MAP4K4: variants seen among roughly 807,000 people sequenced by gnomAD.
MAP4K4 encodes mitogen-activated protein kinase kinase kinase kinase 4.
Under a neutral mutation model 189.6 loss-of-function variants are expected in MAP4K4, and 38 were observed. That is an observed-to-expected ratio of 0.20 (90% CI 0.15 to 0.26). The LOEUF (loss-of-function observed/expected upper bound fraction) is 0.26. MAP4K4 is among the 10% of genes least tolerant of loss of function. The pLI, the probability that MAP4K4 is intolerant of heterozygous loss-of-function variation, is 1.00. For synonymous variants in MAP4K4, 610 were observed against 624.3 expected, an observed-to-expected ratio of 0.98 and a Z score of 0.34; for missense variants, 1,054 against 1,726.9, an observed-to-expected ratio of 0.61 and a Z score of 6.91.
At chr2:101,851,724 C>CTTTTTT (rs36217584) in intron 12 of MAP4K4, among the ~76,000 whole-genome samples, 23 of 67,894 alleles carry the variant, frequency 3.4e-4, no homozygotes, top group East Asian at 7.5e-4. Flanking sequence ...TAACTGTCCT[C>CTTTTTT]TTTTTTTTTT....
At chr2:101,708,884 G>GT (rs1189429210) in intron 2 of MAP4K4, among the ~76,000 whole-genome samples, 4 of 152,162 alleles carry the variant, frequency 2.6e-5, no homozygotes, top group Non-Finnish European at 5.9e-5. Context: ...TGTGTTTAAT[G>GT]TTTTTGAGGT....
At chr2:101,760,320 C>G (rs953522736) in intron 2 of MAP4K4, among the ~76,000 whole-genome samples, 7 of 151,790 alleles carry the variant, frequency 4.6e-5, no homozygotes, top group Admixed American at 1.3e-4. Context: ...AAAACCCTGT[C>G]TCTACTAAAA....
At chr2:101,846,207 A>T (rs972618696) in intron 12 of MAP4K4, among the ~76,000 whole-genome samples, 1 of 151,962 alleles carries the variant, frequency 6.6e-6, no homozygotes, top group Non-Finnish European at 1.5e-5. Context: ...TTTTGTTAAG[A>T]CTCTTTTCAG....
intron 22 of MAP4K4, 136 bp downstream of exon 22, chr2:101,869,933 G>A: frequency 3.3e-6 from 4 of 1,201,378 alleles, no homozygotes; most frequent in Non-Finnish European, 4.5e-6. Flanking sequence ...TCAGCAGCAG[G>A]TCGCCTTGTG....
At chr2:101,793,497 G>T (rs1278379595) in intron 3 of MAP4K4, among the ~76,000 whole-genome samples, 1 of 151,682 alleles carries the variant, frequency 6.6e-6, no homozygotes, top group Non-Finnish European at 1.5e-5. Context: ...TGCAGCATGT[G>T]CTTCTGGTTC....
At chr2:101,751,681 A>T (rs1185210568) in intron 2 of MAP4K4, among the ~76,000 whole-genome samples, 1 of 152,214 alleles carries the variant, frequency 6.6e-6, no homozygotes, top group African/African-American at 2.4e-5. Flanking sequence ...CATGACATGT[A>T]AGTTAAGGAA....
intron 9 of MAP4K4, among the ~76,000 whole-genome samples, chr2:101,838,263 T>C (rs2096821793): frequency 6.6e-6 from 1 of 152,228 alleles, no homozygotes; most frequent in African/African-American, 2.4e-5. Flanking sequence ...ATTTGTATCT[T>C]CAATAAACTC....
intron 3 of MAP4K4, among the ~76,000 whole-genome samples, chr2:101,803,807 C>T (rs144197339): frequency 6.6e-6 from 1 of 152,308 alleles, no homozygotes; most frequent in African/African-American, 2.4e-5. Context: ...CCCTTCACTA[C>T]CATTAGCATA....
At chr2:101,792,591 C>CCTT (rs2093062900) in intron 3 of MAP4K4, among the ~76,000 whole-genome samples, 1 of 125,618 alleles carries the variant, frequency 8.0e-6, no homozygotes, top group Admixed American at 8.6e-5. Context: ...GCCACCTTCT[C>CCTT]CTCCTTCTCC....
Position 101,809,013 on chromosome 2 carries a change from G to A in MAP4K4, c.181-14915G>A, listed in dbSNP as rs147567407. On this transcript the variant is annotated intron_variant, in intron 3 of 32. Coordinates refer to ENST00000324219, the Ensembl canonical transcript of MAP4K4. Reference sequence around the variant, plus strand: ...TCAAGGAAAGCCCCCAGTCAAATGTGTTTATATGTGTGGCTGCGTTTAGTT... The same window carrying A: ...TCAAGGAAAGCCCCCAGTCAAATGTATTTATATGTGTGGCTGCGTTTAGTT... 3.3e-5 allele frequency among the ~76,000 whole-genome samples: 5 copies of A among 152,178 alleles called. No homozygotes were observed. The East Asian group carries it at 9.6e-4, about 29-fold the overall frequency.
At chr2:101,713,658 G>A (rs1333022652) in intron 2 of MAP4K4, among the ~76,000 whole-genome samples, 1 of 151,064 alleles carries the variant, frequency 6.6e-6, no homozygotes, top group Non-Finnish European at 1.5e-5. Flanking sequence ...ACTTTGGGAG[G>A]CTGGGGCAGG....
At chr2:101,788,561 GGT>G (rs545573108) in intron 2 of MAP4K4, among the ~76,000 whole-genome samples, 145 of 152,274 alleles carry the variant, frequency 9.5e-4, no homozygotes, top group African/African-American at 3.4e-3. Flanking sequence ...ATGATTTTCT[GGT>G]TTAAATTTAA....
At chr2:101,723,328 G>A (rs1310514613) in intron 2 of MAP4K4, among the ~76,000 whole-genome samples, 2 of 152,176 alleles carry the variant, frequency 1.3e-5, no homozygotes, top group Non-Finnish European at 2.9e-5. Flanking sequence ...AAACTAATAC[G>A]CTAGTAACAT....
Position 101,824,073 on chromosome 2 carries a change from G to T in MAP4K4, c.306+20G>T. Reference sequence around the variant, plus strand: ...CTCTGGGTAGGTGGATGTTTCCTGAGCATTTGTGGGCATTCCATTTGCTTG... The same window carrying T: ...CTCTGGGTAGGTGGATGTTTCCTGATCATTTGTGGGCATTCCATTTGCTTG... On this transcript the variant is annotated intron_variant, in intron 4 of 32. Coordinates refer to ENST00000324219, the Ensembl canonical transcript of MAP4K4. 1 of 1,228,906 alleles carries T rather than the reference G, an allele frequency of 8.1e-7. No homozygotes were observed. The highest frequency in any genetic ancestry group is 2.4e-4 in the Middle Eastern group (1 of 4,144). The allele number at this position is 1,228,906 out of a possible 1,614,324, so 76.1% of individuals were successfully genotyped here.
At position 101,790,704 on chromosome 2, in the gene MAP4K4, T is replaced by G; in HGVS notation, c.124-16T>G. On this transcript the variant is annotated splice_polypyrimidine_tract_variant and intron_variant, in intron 2 of 32. Coordinates refer to ENST00000324219, the Ensembl canonical transcript of MAP4K4. ...AAATTGGTGCTGATTTTTGATCTATTTTTTCTGTTTTTCAGGGTCGACATG... is the reference window on the plus strand; with the variant it reads ...AAATTGGTGCTGATTTTTGATCTATGTTTTCTGTTTTTCAGGGTCGACATG... 6.3e-7 allele frequency: 1 copy of G among 1,598,996 alleles called. No individual in the cohort carries two copies. The highest frequency in any genetic ancestry group is 8.5e-7 in the Non-Finnish European group (1 of 1,170,840).
intron 3 of MAP4K4, among the ~76,000 whole-genome samples, chr2:101,808,863 A>G (rs539748578): frequency 6.6e-6 from 1 of 152,096 alleles, no homozygotes; most frequent in African/African-American, 2.4e-5. Context: ...TCTAACAGTA[A>G]AATAATGTAC....
Position 101,864,966 on chromosome 2 carries a change from T to A in MAP4K4, c.2134T>A (p.Ser712Thr), listed in dbSNP as rs56048147. The A allele has an allele frequency of 1.4e-4, 222 of 1,579,292 alleles. 1 individual carries two copies. The Middle Eastern group carries it at 2.2e-3, about 15-fold the overall frequency. ...AACAACATCTCGCTCCCCTGTTCTG[T>A]CCCGTCGAGATTCCCCACTGCAGGG... is the stretch of plus-strand genomic sequence containing the variant. The change falls in exon 18 of 33, where the codon TCC becomes ACC. Residue 712 changes from serine to threonine, a missense_variant. Physicochemically the swap from Ser to Thr is moderately conservative, Grantham distance 58. This residue lies in a region of MAP4K4 where 646 missense variants were observed against 796.2 expected (regional missense o/e 0.81). Transcript: ENST00000324219.
At chr2:101,823,783 C>T in intron 3 of MAP4K4, 145 bp from the exon 4 acceptor site, 1 of 623,422 alleles carries the variant, frequency 1.6e-6, no homozygotes, top group South Asian at 2.2e-5. Flanking sequence ...CTGTTCTTGG[C>T]ACAAGGATAA....
At chr2:101,869,973 ATGTCAGTG>A (rs906343908) in intron 22 of MAP4K4, 176 bp downstream of exon 22, 16 of 775,644 alleles carry the variant, frequency 2.1e-5, no homozygotes, top group Non-Finnish European at 2.8e-5. Flanking sequence ...GTGTGTGCAT[ATGTCAGTG>A]CTTCCCCCAG....
Sources: allele counts gnomAD v4.1 joint callset (sites outside exome capture counted in the v4.1 genomes callset), GRCh38; gene constraint gnomAD v4.1.1; regional missense constraint gnomAD v4.1.1; transcripts MANE v1.5; gene names NCBI Gene and HGNC (gene_info 2026-07-23, HGNC 2026-07-21).